BICC1: variants seen among roughly 807,000 people sequenced by gnomAD.
The protein encoded by BICC1 is BicC family RNA binding protein 1, also known as protein bicaudal C homolog 1.
Under a neutral mutation model 111.0 loss-of-function variants are expected in BICC1, and 43 were observed. That is an observed-to-expected ratio of 0.39 (90% CI 0.30 to 0.50). The LOEUF (loss-of-function observed/expected upper bound fraction) is 0.50, where lower values mean the gene tolerates loss of function less well. Among genes scored for constraint, BICC1 ranks in the 20% least tolerant of loss-of-function variants. The pLI, the probability that BICC1 is intolerant of heterozygous loss-of-function variation, is 0.88. For synonymous variants in BICC1, 467 were observed against 434.4 expected (o/e 1.07, Z -0.93); for missense variants, 1,091 against 1,203.2 (o/e 0.91, Z 1.38).
chr10:58,650,593 A>G (rs1838416125), intron 2 of BICC1: 1 of 152,180 alleles, frequency 6.6e-6, no homozygotes, highest in Admixed American at 6.5e-5. Flanking sequence ...AACATTGGCT[A>G]CACTATTCTT....
intron 3 of BICC1, among the ~76,000 whole-genome samples, chr10:58,772,312 A>G (rs1225773450): frequency 6.6e-6 from 1 of 152,172 alleles, no homozygotes. Flanking sequence ...GAGTTAAACA[A>G]CAATTAGATT....
intron 2 of BICC1, among the ~76,000 whole-genome samples, chr10:58,641,739 CCT>C (rs941786056): frequency 1.2e-4 from 18 of 152,086 alleles, no homozygotes; most frequent in African/African-American, 3.6e-4. Context: ...ATAGATAAAA[CCT>C]CTTTTGAGAG....
chr10:58,827,253 CATT>C (rs1308244626), intron 20 of BICC1, among the ~76,000 whole-genome samples: 8 of 152,076 alleles, frequency 5.3e-5, no homozygotes, highest in Admixed American at 2.0e-4. Context: ...ATAGAGAAAA[CATT>C]ATGAAAAGCT....
At chr10:58,794,165 TTGTGTGTGTGTGTGTGTGTGTG>T (rs71006206) in intron 9 of BICC1, among the ~76,000 whole-genome samples, 23 of 138,294 alleles carry the variant, frequency 1.7e-4, no homozygotes, top group Middle Eastern at 3.7e-3. Context: ...CTTACATGTT[TTGTGTGTGTGTGTGTGTGTGTG>T]TGTGTGTGTG....
chr10:58,758,474 T>C (rs186242441), intron 3 of BICC1, among the ~76,000 whole-genome samples: 1 of 152,356 alleles, frequency 6.6e-6, no homozygotes, highest in East Asian at 1.9e-4. Context: ...AAGGAATTCC[T>C]GGCACATAGT....
At chr10:58,731,979 G>A (rs1043959106) in intron 3 of BICC1, among the ~76,000 whole-genome samples, 1 of 152,180 alleles carries the variant, frequency 6.6e-6, no homozygotes. Flanking sequence ...TCATTTGTGC[G>A]TTCACTGGAG....
At chr10:58,668,979 A>T (rs2132315913) in intron 2 of BICC1, among the ~76,000 whole-genome samples, 1 of 152,192 alleles carries the variant, frequency 6.6e-6, no homozygotes, top group East Asian at 1.9e-4. Flanking sequence ...AAAGTTTTTG[A>T]GCAGTTAAAG....
intron 20 of BICC1, among the ~76,000 whole-genome samples, chr10:58,824,370 T>G (rs1486976215): frequency 6.6e-6 from 1 of 152,338 alleles, no homozygotes; most frequent in South Asian, 2.1e-4. Context: ...TGTCATACAA[T>G]AAGGCTAATG....
chr10:58,803,706 A>G (rs1016142213), intron 15 of BICC1, among the ~76,000 whole-genome samples: 26 of 152,216 alleles, frequency 1.7e-4, no homozygotes, highest in African/African-American at 4.8e-4. Context: ...GATGAATATT[A>G]TTGATGATTG....
At chr10:58,575,746 T>G (rs1421079095) in intron 1 of BICC1, among the ~76,000 whole-genome samples, 1 of 152,014 alleles carries the variant, frequency 6.6e-6, no homozygotes, top group Non-Finnish European at 1.5e-5. Context: ...TAAATGAGAG[T>G]CTTCTGATGG....
chr10:58,784,534 G>C (rs540002482), intron 3 of BICC1, among the ~76,000 whole-genome samples: 1 of 152,222 alleles, frequency 6.6e-6, no homozygotes, highest in South Asian at 2.1e-4. Flanking sequence ...CTTCTGAGTG[G>C]TTTTCTGGGA....
At chr10:58,637,024 A>G (rs557866587) in intron 2 of BICC1, among the ~76,000 whole-genome samples, 3 of 152,198 alleles carry the variant, frequency 2.0e-5, no homozygotes, top group African/African-American at 7.2e-5. Flanking sequence ...AAAAAACCAC[A>G]CACAGTTCTA....
At chr10:58,532,923 A>G (rs542937225) in intron 1 of BICC1, among the ~76,000 whole-genome samples, 5 of 151,994 alleles carry the variant, frequency 3.3e-5, no homozygotes, top group South Asian at 2.1e-4. Context: ...ACAAAGCACA[A>G]TCAAAGCAAT....
intron 2 of BICC1, among the ~76,000 whole-genome samples, chr10:58,631,000 T>C (rs1349602095): frequency 6.6e-6 from 1 of 152,188 alleles, no homozygotes; most frequent in Non-Finnish European, 1.5e-5. Flanking sequence ...TTCTTTTTGC[T>C]AGTCAGTTAC....
intron 19 of BICC1, among the ~76,000 whole-genome samples, chr10:58,818,652 C>A (rs930719752): frequency 6.6e-6 from 1 of 151,908 alleles, no homozygotes; most frequent in Non-Finnish European, 1.5e-5. Context: ...ACTGAAAGGG[C>A]AATTGTTGTG....
chr10:58,806,045 C>T (rs997120303), intron 15 of BICC1, among the ~76,000 whole-genome samples: 23 of 152,192 alleles, frequency 1.5e-4, no homozygotes, highest in African/African-American at 5.3e-4. Flanking sequence ...TAAAGTTAGA[C>T]ATCTGCCATT....
intron 3 of BICC1, among the ~76,000 whole-genome samples, chr10:58,707,361 G>C (rs1017296418): frequency 1.3e-5 from 2 of 152,052 alleles, no homozygotes; most frequent in African/African-American, 2.4e-5. Context: ...AGGGCTGAGG[G>C]CACGGAAGAG....
intron 19 of BICC1, among the ~76,000 whole-genome samples, chr10:58,819,128 T>TGTCTATG (rs1440607472): frequency 1.7e-4 from 26 of 152,166 alleles, no homozygotes; most frequent in African/African-American, 6.3e-4. Context: ...GTTTACATAT[T>TGTCTATG]GTCTATGGCT....
intron 1 of BICC1, among the ~76,000 whole-genome samples, chr10:58,553,718 GC>G (rs1843363548): frequency 6.6e-6 from 1 of 151,962 alleles, no homozygotes; most frequent in Non-Finnish European, 1.5e-5. Flanking sequence ...TTTCGGGGGG[GC>G]TAGACTCCCC....
Sources: allele counts gnomAD v4.1 joint callset (sites outside exome capture counted in the v4.1 genomes callset), GRCh38; gene constraint gnomAD v4.1.1; transcripts MANE v1.5; gene names NCBI Gene and HGNC (gene_info 2026-07-23, HGNC 2026-07-21).